CSMD1: variants seen among roughly 807,000 people sequenced by gnomAD.
The protein encoded by CSMD1 is CUB and Sushi multiple domains 1, also known as CUB and sushi domain-containing protein 1.
A neutral mutation model predicts 417.5 loss-of-function variants in CSMD1; 213 were observed. The observed-to-expected ratio is 0.51, with a 90% CI of 0.46 to 0.57. The LOEUF (loss-of-function observed/expected upper bound fraction) is 0.57. CSMD1 is among the 20% of genes least tolerant of loss of function. The pLI, the probability that CSMD1 is intolerant of heterozygous loss-of-function variation, is 0.00. For synonymous variants in CSMD1, 2,862 were observed against 1,736.8 expected, an observed-to-expected ratio of 1.65 and a Z score of -16.11; for missense variants, 6,923 against 4,529.7, an observed-to-expected ratio of 1.53 and a Z score of -15.17.
chr8:3,404,178 A>G (rs1812209910), intron 15 of CSMD1, among the ~76,000 whole-genome samples: 1 of 152,100 alleles, frequency 6.6e-6, no homozygotes, highest in Non-Finnish European at 1.5e-5. Flanking sequence ...TACTAAAAAT[A>G]CAAAAATTAG....
chr8:3,655,749 G>A (rs748220796), intron 7 of CSMD1, among the ~76,000 whole-genome samples: 27 of 151,668 alleles, frequency 1.8e-4, no homozygotes, highest in Non-Finnish European at 3.1e-4. Context: ...TGCTCATTGG[G>A]AAATTAGCTA....
chr8:4,064,049 G>C (rs1799116874), intron 3 of CSMD1, among the ~76,000 whole-genome samples: 1 of 152,142 alleles, frequency 6.6e-6, no homozygotes, highest in Admixed American at 6.5e-5. Flanking sequence ...TGAGAGTGAG[G>C]GCTCCTGAGA....
At chr8:4,360,109 G>A (rs1801665724) in intron 3 of CSMD1, among the ~76,000 whole-genome samples, 1 of 152,140 alleles carries the variant, frequency 6.6e-6, no homozygotes, top group African/African-American at 2.4e-5. Context: ...CTGTATGTCT[G>A]GTTTCCTCTC....
At chr8:3,875,118 C>T (rs1296852716) in intron 5 of CSMD1, among the ~76,000 whole-genome samples, 1 of 138,856 alleles carries the variant, frequency 7.2e-6, no homozygotes, top group African/African-American at 2.9e-5. Flanking sequence ...TTCAGGAACA[C>T]ATTGTGGGGT....
intron 3 of CSMD1, among the ~76,000 whole-genome samples, chr8:4,219,553 GT>G (rs1247025839): frequency 6.2e-4 from 1 of 1,624 alleles, no homozygotes; most frequent in Non-Finnish European, 3.4e-3. Flanking sequence ...TTATGCTTAT[GT>G]TAAAAAAAAA....
At chr8:4,451,530 A>C (rs1799144582) in intron 2 of CSMD1, among the ~76,000 whole-genome samples, 2 of 152,146 alleles carry the variant, frequency 1.3e-5, no homozygotes, top group Non-Finnish European at 2.9e-5. Context: ...AATTCCAGAG[A>C]CAGTGACTCT....
intron 7 of CSMD1, among the ~76,000 whole-genome samples, chr8:3,699,316 T>A (rs1585095305): frequency 1.3e-5 from 2 of 152,240 alleles, no homozygotes; most frequent in East Asian, 3.9e-4. Context: ...GCAGTGGATA[T>A]CATGATTCTG....
intron 3 of CSMD1, among the ~76,000 whole-genome samples, chr8:4,177,328 A>C (rs1010334014): frequency 8.6e-4 from 131 of 152,160 alleles, no homozygotes; most frequent in African/African-American, 2.3e-3. Flanking sequence ...TCCTGAATGA[A>C]TACTGGGTAC....
chr8:4,163,742 CT>C (rs1255764017), intron 3 of CSMD1, among the ~76,000 whole-genome samples: 1 of 152,100 alleles, frequency 6.6e-6, no homozygotes, highest in Non-Finnish European at 1.5e-5. Flanking sequence ...ATCAGTAGCA[CT>C]AATACTGCTA....
intron 3 of CSMD1, among the ~76,000 whole-genome samples, chr8:4,220,400 G>A (rs532458787): frequency 6.6e-6 from 1 of 152,302 alleles, no homozygotes; most frequent in African/African-American, 2.4e-5. Flanking sequence ...CTAGACAACG[G>A]TTAGTGTTTA....
intron 6 of CSMD1, among the ~76,000 whole-genome samples, chr8:3,751,818 G>A (rs1584944492): frequency 1.3e-5 from 2 of 152,148 alleles, no homozygotes; most frequent in African/African-American, 2.4e-5. Flanking sequence ...AGAAACAAAC[G>A]CTTAGAAATT....
At chr8:3,663,067 T>C (rs1440674875) in intron 7 of CSMD1, among the ~76,000 whole-genome samples, 2 of 152,032 alleles carry the variant, frequency 1.3e-5, no homozygotes, top group African/African-American at 2.4e-5. Context: ...AAAATGCAGA[T>C]GTCAGCAAAA....
chr8:4,928,187 G>C (rs1302167632), intron 1 of CSMD1, among the ~76,000 whole-genome samples: 18 of 152,074 alleles, frequency 1.2e-4, no homozygotes, highest in Admixed American at 6.6e-5. Context: ...GCACTGCCTG[G>C]AGTGCCCGTC....
At chr8:4,142,767 T>C (rs772565057) in intron 3 of CSMD1, among the ~76,000 whole-genome samples, 2 of 151,068 alleles carry the variant, frequency 1.3e-5, no homozygotes, top group Non-Finnish European at 2.9e-5. Context: ...ATCACTTCAT[T>C]AGTGCAAAAC....
At chr8:4,401,652 A>T (rs1804652216) in intron 3 of CSMD1, among the ~76,000 whole-genome samples, 1 of 151,938 alleles carries the variant, frequency 6.6e-6, no homozygotes, top group East Asian at 1.9e-4. Flanking sequence ...CCGACCCTCC[A>T]TCTCATTTTA....
chr8:4,619,158 G>A (rs908323197), intron 2 of CSMD1, among the ~76,000 whole-genome samples: 12 of 151,950 alleles, frequency 7.9e-5, no homozygotes, highest in Admixed American at 1.3e-4. Flanking sequence ...AGAAATGAAC[G>A]TTTATCACTT....
At chr8:3,525,710 C>T (rs1465686597) in intron 10 of CSMD1, among the ~76,000 whole-genome samples, 1 of 152,150 alleles carries the variant, frequency 6.6e-6, no homozygotes, top group Non-Finnish European at 1.5e-5. Context: ...ATGAACCACT[C>T]AGATTTTAAC....
chr8:3,952,872 A>C (rs111638814), intron 5 of CSMD1, among the ~76,000 whole-genome samples: 72 of 152,328 alleles, frequency 4.7e-4, no homozygotes, highest in African/African-American at 1.7e-3. Flanking sequence ...GCAAAAAACA[A>C]ATCATCTCTA....
chr8:3,645,284 A>G (rs1797520241), intron 7 of CSMD1, among the ~76,000 whole-genome samples: 1 of 152,220 alleles, frequency 6.6e-6, no homozygotes, highest in South Asian at 2.1e-4. Flanking sequence ...GGAAGCCATA[A>G]CACAATGAAC....
Sources: gnomAD v4.1 joint callset for allele counts (sites outside exome capture counted in the v4.1 genomes callset) on GRCh38, gnomAD v4.1.1 for gene constraint, MANE v1.5 for transcripts, NCBI Gene and HGNC (gene_info 2026-07-23, HGNC 2026-07-21) for gene names.